Variants in NPRL3 observed in about 807,000 individuals in gnomAD.
NPRL3 encodes the protein NPR3 like, GATOR1 complex subunit, also known as GATOR1 complex protein NPRL3.
Under a neutral mutation model 57.2 loss-of-function variants are expected in NPRL3, and 23 were observed. The ratio of observed to expected loss-of-function variants is 0.40; its 90% CI spans 0.29 to 0.57. The LOEUF (loss-of-function observed/expected upper bound fraction) is 0.57, where lower values mean the gene tolerates loss of function less well. NPRL3 is among the 20% of genes least tolerant of loss of function. The probability of loss-of-function intolerance (pLI) is 0.42; values close to 1 mark genes in which losing one functional copy is unlikely to be tolerated. For synonymous variants in NPRL3, 333 were observed against 321.1 expected (o/e 1.04, Z -0.39); for missense variants, 691 against 767.1 (o/e 0.90, Z 1.17).
intron 9 of NPRL3, 61 bp downstream of exon 9, chr16:98,084 C>T: frequency 6.4e-7 from 1 of 1,574,074 alleles, no homozygotes; most frequent in South Asian, 1.2e-5. Context: ...GGCAGGCGGC[C>T]TGCCTTTCCT....
intron 4 of NPRL3, among the ~76,000 whole-genome samples, chr16:118,774 T>TGGACCAGGCCTGCC (rs1900153719): frequency 6.6e-6 from 1 of 152,246 alleles, no homozygotes; most frequent in Admixed American, 6.5e-5. Flanking sequence ...AGAGCCAGAA[T>TGGACCAGGCCTGCC]GGACCAGGCC....
At chr16:113,941 G>C (rs1223833846) in intron 5 of NPRL3, among the ~76,000 whole-genome samples, 1 of 152,226 alleles carries the variant, frequency 6.6e-6, no homozygotes, top group Non-Finnish European at 1.5e-5. Context: ...AGAAAGGACT[G>C]TTGCTCCCAT....
intron 9 of NPRL3, among the ~76,000 whole-genome samples, chr16:95,435 G>A (rs1596502565): frequency 6.6e-6 from 1 of 151,266 alleles, no homozygotes; most frequent in East Asian, 1.9e-4. Context: ...TAGGTTACCT[G>A]TGGGATATGG....
At position 123,628 on chromosome 16, in the gene NPRL3, T is replaced by G. The variant is rs540771513; in HGVS notation, c.189-4373A>C. 1.7e-5 allele frequency: 8 copies of G among 459,456 alleles called. No individual in the cohort carries two copies. The East Asian group carries it at 5.6e-4, about 32-fold the overall frequency. 28.5% of individuals were successfully genotyped at this position (459,456 alleles called of 1,614,324 possible). On this transcript the variant is annotated intron_variant, in intron 3 of 13. Coordinates refer to ENST00000611875, the MANE Select transcript of NPRL3 (RefSeq NM_001077350.3). ...CATGAAAAGTTACAAGGCTATTTTA[T>G]AAAAACTGCACAAAAGTCTAGCAGA...
At chr16:116,836 G>C (rs563294157) in intron 5 of NPRL3, among the ~76,000 whole-genome samples, 307 of 149,180 alleles carry the variant, frequency 2.1e-3, no homozygotes, top group Non-Finnish European at 3.8e-3. Flanking sequence ...TTAGCTGGGC[G>C]TGGTGGCGCA....
At chr16:101,460 A>C (rs1009702185) in intron 7 of NPRL3, among the ~76,000 whole-genome samples, 1 of 152,194 alleles carries the variant, frequency 6.6e-6, no homozygotes, top group Non-Finnish European at 1.5e-5. Flanking sequence ...TTCACTCCAC[A>C]TTCTATCAGT....
chr16:123,081 C>T (rs1420717107), intron 3 of NPRL3, among the ~76,000 whole-genome samples: 1 of 152,084 alleles, frequency 6.6e-6, no homozygotes, highest in Non-Finnish European at 1.5e-5. Flanking sequence ...TGGGAGAGGC[C>T]CCCACAAAAC....
chr16:88,706 C>A lies in NPRL3; in HGVS notation c.1536G>T (p.Met512Ile). The change falls in exon 13 of 14, where the codon ATG (methionine) becomes ATT (isoleucine). Residue 512 changes from methionine to isoleucine, a missense_variant. Physicochemically the swap from Met to Ile is conservative, Grantham distance 10. Transcript: ENST00000611875. ...PAAQNPEDLRMFARLLHYFRG... is the reference protein window; with the variant it reads ...PAAQNPEDLRIFARLLHYFRG... ...GGTCAACCTACACCCACCTGGCAAA[C>A]ATGCGGAGGTCCTCAGGGTTCTGGG... 2 of 1,608,290 alleles carry A rather than the reference C, an allele frequency of 1.2e-6. No individual in the cohort carries two copies. Among genetic ancestry groups the A allele is most frequent in the Non-Finnish European group, 1.7e-6 (2 of 1,175,508 alleles).
chr16:138,278 G>T lies in NPRL3; in HGVS notation c.-11C>A. The stretch of plus-strand genomic sequence containing the variant: ...GGTGTTGTCCCGCATCCCGCCGTGG[G>T]GCCGGGGCCGGGGGCGGAGGGGGCC... On this transcript the variant is annotated 5_prime_UTR_variant, in exon 2 of 14. Transcript: ENST00000611875. 1 of 1,583,920 alleles carries T rather than the reference G, an allele frequency of 6.3e-7. No individual in the cohort carries two copies. The highest frequency in any genetic ancestry group is 8.6e-7 in the Non-Finnish European group (1 of 1,166,158).
chr16:92,554 A>G, intron 11 of NPRL3, 42 bp downstream of exon 11: 1 of 1,602,368 alleles, frequency 6.2e-7, no homozygotes. Context: ...CCTATCCACT[A>G]CACACCTGCC....
rs796212927 is a variant in NPRL3, at chr16:138,319, C to T, written c.-52G>A. On this transcript the variant is annotated 5_prime_UTR_variant, in exon 2 of 14. Coordinates refer to ENST00000611875, the MANE Select transcript of NPRL3 (RefSeq NM_001077350.3). ...GGAGGGGGCCAGAGGAGGACGGAGC[C>T]GGAGGCGGAGGGGGCCTGAGGAGGA... 43 of 857,028 alleles carry T rather than the reference C, an allele frequency of 5.0e-5. No individual in the cohort carries two copies. In the East Asian group the frequency reaches 2.0e-3, roughly 39 times the overall value. The allele number at this position is 857,028 out of a possible 1,614,324, so 53.1% of individuals were successfully genotyped here.
chr16:128,078 G>A (rs540430721), intron 3 of NPRL3, among the ~76,000 whole-genome samples: 60 of 148,702 alleles, frequency 4.0e-4, no homozygotes, highest in African/African-American at 1.3e-3. Flanking sequence ...TGCAACCTCC[G>A]CCTCCCAAGT....
rs1043235108 is a variant in NPRL3 at position 86,774 on chromosome 16, G to C, written c.1641C>G (p.Phe547Leu). Residue 547 changes from phenylalanine to leucine, a missense_variant, in exon 14 of 14, where the codon TTC becomes TTG. Coordinates refer to ENST00000611875, the MANE Select transcript of NPRL3 (RefSeq NM_001077350.3). ...RSQLLMLFDK[F>L]RSVLVVTTHE... ...GGGTGGTCACCACCAGCACGCTGCG[G>C]AACTTGTCAAACAGCATGAGCAGCT... The C allele has an allele frequency of 6.2e-7, 1 of 1,603,616 alleles. No individual in the cohort carries two copies.
At position 106,629 on chromosome 16, in the gene NPRL3, T is replaced by TAAAA. The variant is rs763058746; in HGVS notation, c.629+3892_629+3895dup. Among the ~76,000 whole-genome samples the TAAAA allele has an allele frequency of 1.5e-3, 92 of 60,086 alleles. 2 individuals are homozygous for TAAAA. The highest frequency in any genetic ancestry group is 2.0e-3 in the East Asian group (3 of 1,464). The allele number at this position is 60,086 out of a possible 152,430, so 39.4% of individuals were successfully genotyped here. On this transcript the variant is annotated intron_variant, in intron 7 of 13. Transcript: ENST00000611875. ...AATAGAGTGAGACCCTGCCTTAAATTAAAAAAAAAAAAAAAAAAAAAAAAA... is the reference window on the plus strand; with the variant it reads ...AATAGAGTGAGACCCTGCCTTAAATTAAAAAAAAAAAAAAAAAAAAAAAAAAAAA...
At chr16:115,995 A>G (rs1900017253) in intron 5 of NPRL3, among the ~76,000 whole-genome samples, 1 of 152,248 alleles carries the variant, frequency 6.6e-6, no homozygotes. Context: ...GCCTGGGGGA[A>G]ATCTTTACGC....
At chr16:125,097 A>AG (rs1900460684) in intron 3 of NPRL3, 1 of 160,944 alleles carries the variant, frequency 6.2e-6, no homozygotes, top group Non-Finnish European at 1.4e-5. Flanking sequence ...AAAAAAAAAA[A>AG]CCTTTATTTT....
intron 9 of NPRL3, among the ~76,000 whole-genome samples, chr16:94,219 C>T (rs2031895401): frequency 6.6e-6 from 1 of 152,036 alleles, no homozygotes; most frequent in African/African-American, 2.4e-5. Context: ...CATCAGGAAA[C>T]ACAAACACAA....
chr16:98,752 A>G (rs1292413058), intron 8 of NPRL3, among the ~76,000 whole-genome samples: 2 of 152,266 alleles, frequency 1.3e-5, no homozygotes, highest in African/African-American at 2.4e-5. Context: ...AGCCTGGCCA[A>G]CATGGTGAAA....
rs777208794 is a variant in NPRL3 at position 130,558 on chromosome 16, G to A, written c.152C>T (p.Thr51Met). 22 of 1,555,204 alleles carry A rather than the reference G, an allele frequency of 1.4e-5. 1 individual carries two copies. The highest frequency in any genetic ancestry group is 7.3e-5 in the East Asian group (3 of 41,364). Residue 51 changes from threonine to methionine, a missense_variant, in exon 3 of 14, where the codon ACG becomes ATG. Thr to Met is a moderately conservative substitution (Grantham distance 81, BLOSUM62 -1). Coordinates refer to ENST00000611875, the MANE Select transcript of NPRL3 (RefSeq NM_001077350.3). ...GTCCTGCTCATCAGCATGGTCGCCC[G>A]TGTTGCTGGCAGCGTATCTGCTACG... ...KPRSRYAASN[T>M]GDHADEQDGD...
Sources: gnomAD v4.1 joint callset for allele counts (sites outside exome capture counted in the v4.1 genomes callset) on GRCh38, gnomAD v4.1.1 for gene constraint, MANE v1.5 for transcripts, NCBI Gene and HGNC (gene_info 2026-07-23, HGNC 2026-07-21) for gene names.